Variants in PTPRD observed in about 807,000 individuals in gnomAD.
PTPRD encodes receptor-type tyrosine-protein phosphatase delta.
A neutral mutation model predicts 214.5 loss-of-function variants in PTPRD; 34 were observed. The observed-to-expected ratio is 0.16, with a 90% confidence interval of 0.12 to 0.21. The LOEUF (loss-of-function observed/expected upper bound fraction) is 0.21, where lower values mean the gene tolerates loss of function less well. Among genes scored for constraint, PTPRD ranks in the 10% least tolerant of loss-of-function variants. PTPRD has a pLI of 1.00. For synonymous variants in PTPRD, 1,128 were observed against 845.7 expected (o/e 1.33, Z -5.79); for missense variants, 2,545 against 2,398.7 (o/e 1.06, Z -1.27).
intron 5 of PTPRD, among the ~76,000 whole-genome samples, chr9:9,807,704 G>A (rs1240744048): frequency 2.0e-5 from 3 of 152,008 alleles, no homozygotes; most frequent in African/African-American, 4.8e-5. Flanking sequence ...TTCTACTAGT[G>A]GTATTTTCAT....
In PTPRD at chr9:9,458,079, AG is replaced by A. The variant is rs559797268; in HGVS notation, c.-236-60598del. On this transcript the variant is annotated intron_variant, in intron 8 of 45. Coordinates refer to ENST00000381196, the MANE Select transcript of PTPRD (RefSeq NM_002839.4). ...TTTGAAAGCAGTTACTGATTTAGTTAGATTTTCTTTAGAATGTTAAGAAAAT... is the reference window on the plus strand; with the variant it reads ...TTTGAAAGCAGTTACTGATTTAGTTAATTTTCTTTAGAATGTTAAGAAAAT... Among the ~76,000 whole-genome samples the A allele has an allele frequency of 2.2e-3, 330 of 152,228 alleles. 2 individuals are homozygous for A. The highest frequency in any genetic ancestry group is 7.5e-3 in the African/African-American group (312 of 41,560).
intron 5 of PTPRD, among the ~76,000 whole-genome samples, chr9:9,846,224 T>C (rs1348204179): frequency 6.6e-6 from 1 of 152,080 alleles, no homozygotes; most frequent in African/African-American, 2.4e-5. Flanking sequence ...TGTAGATCTT[T>C]ACACCTGTGC....
intron 3 of PTPRD, among the ~76,000 whole-genome samples, chr9:10,125,109 A>C (rs2098805789): frequency 6.6e-6 from 1 of 152,196 alleles, no homozygotes; most frequent in South Asian, 2.1e-4. Flanking sequence ...CATTTGATAA[A>C]TATGCTGATG....
intron 3 of PTPRD, among the ~76,000 whole-genome samples, chr9:10,143,216 T>C (rs2098999019): frequency 6.6e-6 from 1 of 152,048 alleles, no homozygotes; most frequent in Non-Finnish European, 1.5e-5. Context: ...ATGGCACATG[T>C]ATACATATGT....
chr9:9,591,214 G>A (rs1221438385), intron 7 of PTPRD, among the ~76,000 whole-genome samples: 1 of 132,348 alleles, frequency 7.6e-6, no homozygotes, highest in African/African-American at 2.9e-5. Flanking sequence ...GATTGAAAGC[G>A]TGAGAGGGAG....
intron 7 of PTPRD, among the ~76,000 whole-genome samples, chr9:9,717,394 A>G (rs1169415319): frequency 6.6e-6 from 1 of 152,150 alleles, no homozygotes; most frequent in South Asian, 2.1e-4. Flanking sequence ...GAAGAAAGTC[A>G]TTGGTAGCTT....
At chr9:8,655,209 T>C (rs1596193659) in intron 12 of PTPRD, among the ~76,000 whole-genome samples, 2 of 152,318 alleles carry the variant, frequency 1.3e-5, no homozygotes, top group African/African-American at 4.8e-5. Context: ...AGGTTTCCTA[T>C]GTAAGCAGGT....
chr9:8,792,788 C>T (rs1480640725), intron 11 of PTPRD, among the ~76,000 whole-genome samples: 1 of 152,122 alleles, frequency 6.6e-6, no homozygotes, highest in Non-Finnish European at 1.5e-5. Flanking sequence ...ACACACTTTC[C>T]TTTTTTGCCC....
rs565928968 is a variant in PTPRD at position 9,348,476 on chromosome 9, G to A, written c.-203+48973C>T. Among the ~76,000 whole-genome samples, 171 of 152,204 alleles carry A rather than the reference G, an allele frequency of 1.1e-3. 1 individual carries two copies. Among genetic ancestry groups the A allele is most frequent in the Non-Finnish European group, 1.7e-3 (114 of 68,010 alleles). ...TAAAACAGTAATGTTAAGAATAAAG[G>A]ACTTGGTGATTGAAAGAGTGGGCAA... On this transcript the variant is annotated intron_variant, in intron 9 of 45. Transcript: ENST00000381196.
At chr9:8,841,035 C>G (rs7034030) in intron 11 of PTPRD, among the ~76,000 whole-genome samples, 22,893 of 152,112 alleles carry the variant, frequency 0.15, 1,848 homozygotes, top group East Asian at 0.23. Flanking sequence ...GTGCTGTAAG[C>G]CATGGCTACA....
rs572328271 is a variant in PTPRD at position 9,657,565 on chromosome 9, C to T, written c.-287+76968G>A. 5.3e-5 allele frequency among the ~76,000 whole-genome samples: 8 copies of T among 152,014 alleles called. No individual in the cohort carries two copies. In the South Asian group the frequency reaches 1.0e-3, roughly 20 times the overall value. ...GGTATACCTATGTAACAAACATGCA[C>T]GTTGTGCATATGTACCCCAGAACTT... On this transcript the variant is annotated intron_variant, in intron 7 of 45. Transcript: ENST00000381196.
At chr9:9,938,994 T>TAGG (rs2090538821) in intron 4 of PTPRD, among the ~76,000 whole-genome samples, 1 of 145,016 alleles carries the variant, frequency 6.9e-6, no homozygotes, top group African/African-American at 2.7e-5. Context: ...ATGTTGAAAA[T>TAGG]AATTCATTTT....
intron 11 of PTPRD, among the ~76,000 whole-genome samples, chr9:8,946,686 A>T (rs1029387430): frequency 1.3e-5 from 2 of 151,990 alleles, no homozygotes; most frequent in African/African-American, 4.8e-5. Flanking sequence ...GTTTTCTTTT[A>T]TCTTCCTTTA....
chr9:8,320,053 C>T (rs2130737257), intron 44 of PTPRD, 87 bp from the exon 45 acceptor site: 2 of 1,489,278 alleles, frequency 1.3e-6, no homozygotes, highest in Non-Finnish European at 1.8e-6. Flanking sequence ...CTTCTACCAG[C>T]TTCCACACTC....
chr9:9,689,317 A>T (rs1481647966), intron 7 of PTPRD, among the ~76,000 whole-genome samples: 1 of 151,942 alleles, frequency 6.6e-6, no homozygotes, highest in Non-Finnish European at 1.5e-5. Flanking sequence ...TCATTCCAGA[A>T]ATAACAGTCT....
At chr9:9,868,480 T>G (rs539712936) in intron 5 of PTPRD, among the ~76,000 whole-genome samples, 1 of 151,986 alleles carries the variant, frequency 6.6e-6, no homozygotes, top group Non-Finnish European at 1.5e-5. Flanking sequence ...TTTAAAGACA[T>G]TGTAGTCAAG....
At chr9:10,168,838 T>C (rs1333934091) in intron 3 of PTPRD, among the ~76,000 whole-genome samples, 1 of 152,142 alleles carries the variant, frequency 6.6e-6, no homozygotes, top group Non-Finnish European at 1.5e-5. Context: ...TACATATATA[T>C]ACACACACAC....
intron 9 of PTPRD, among the ~76,000 whole-genome samples, chr9:9,314,311 T>C (rs978212140): frequency 6.6e-6 from 1 of 152,166 alleles, no homozygotes; most frequent in African/African-American, 2.4e-5. Context: ...ATTAGAATAC[T>C]GAATGAGTTG....
intron 2 of PTPRD, among the ~76,000 whole-genome samples, chr9:10,537,641 C>T (rs2058139676): frequency 6.6e-6 from 1 of 152,074 alleles, no homozygotes; most frequent in African/African-American, 2.4e-5. Flanking sequence ...ATGATTTCCT[C>T]CAAATATTTA....
Sources: gnomAD v4.1 joint callset for allele counts (sites outside exome capture counted in the v4.1 genomes callset) on GRCh38, gnomAD v4.1.1 for gene constraint, MANE v1.5 for transcripts, NCBI Gene and HGNC (gene_info 2026-07-23, HGNC 2026-07-21) for gene names.